PHF14: variants seen among roughly 807,000 people sequenced by gnomAD.
The protein encoded by PHF14 is PHD finger protein 14.
In PHF14, 55 loss-of-function variants were observed where a neutral mutation model predicts 117.9. That is an observed-to-expected ratio of 0.47 (90% CI 0.38 to 0.58). PHF14 has a LOEUF of 0.58. Among genes scored for constraint, PHF14 ranks in the 20% least tolerant of loss-of-function variants. The pLI is 0.00. For missense variants in PHF14, 978 were observed against 1,122.2 expected (o/e 0.87, Z 1.84); for synonymous variants, 409 against 368.6 (o/e 1.11, Z -1.26).
chr7:11,015,500 C>G (rs574318271), intron 5 of PHF14, among the ~76,000 whole-genome samples: 3 of 152,154 alleles, frequency 2.0e-5, no homozygotes, highest in South Asian at 2.1e-4. Flanking sequence ...TGAGAGTGGC[C>G]TAGTATTAGG....
chr7:11,137,774 C>T (rs1423701968), intron 17 of PHF14, among the ~76,000 whole-genome samples: 3 of 150,700 alleles, frequency 2.0e-5, no homozygotes, highest in Non-Finnish European at 3.0e-5. Flanking sequence ...TCAGTAGAGA[C>T]GGGGTTTTGC....
At chr7:11,068,472 G>C (rs1271883506) in intron 16 of PHF14, among the ~76,000 whole-genome samples, 1 of 151,768 alleles carries the variant, frequency 6.6e-6, no homozygotes, top group Non-Finnish European at 1.5e-5. Flanking sequence ...ACTTACATGA[G>C]ATTCCTAGAG....
intron 17 of PHF14, among the ~76,000 whole-genome samples, chr7:11,158,783 T>C (rs1788934608): frequency 6.6e-6 from 1 of 152,164 alleles, no homozygotes; most frequent in Non-Finnish European, 1.5e-5. Flanking sequence ...ATGTATGTCA[T>C]AGTTGCTTAC....
At chr7:10,977,618 A>G (rs1781911837) in intron 2 of PHF14, among the ~76,000 whole-genome samples, 1 of 152,200 alleles carries the variant, frequency 6.6e-6, no homozygotes, top group African/African-American at 2.4e-5. Flanking sequence ...GATAGTTTAT[A>G]TTTTATTTTT....
intron 4 of PHF14, chr7:11,006,424 A>G (rs1394834719): frequency 1.9e-6 from 1 of 527,556 alleles, no homozygotes; most frequent in Non-Finnish European, 3.7e-6. Flanking sequence ...TTTGTTGGCA[A>G]GATTCAAAGC....
intron 17 of PHF14, among the ~76,000 whole-genome samples, chr7:11,158,001 G>A (rs1395337374): frequency 6.6e-6 from 1 of 152,144 alleles, no homozygotes; most frequent in Non-Finnish European, 1.5e-5. Context: ...ATAGGATGGA[G>A]TGTTCTGATA....
At chr7:11,150,491 A>AAC (rs1440510215) in intron 17 of PHF14, among the ~76,000 whole-genome samples, 1 of 152,158 alleles carries the variant, frequency 6.6e-6, no homozygotes, top group Non-Finnish European at 1.5e-5. Context: ...CGACATAACT[A>AAC]CTGAATGAAT....
At chr7:11,005,541 A>G (rs1157529812) in intron 4 of PHF14, among the ~76,000 whole-genome samples, 1 of 152,116 alleles carries the variant, frequency 6.6e-6, no homozygotes, top group Non-Finnish European at 1.5e-5. Context: ...CTCTAAATAA[A>G]CTGGATAAAT....
chr7:11,148,458 C>G (rs909788955), intron 17 of PHF14, among the ~76,000 whole-genome samples: 18 of 152,198 alleles, frequency 1.2e-4, no homozygotes, highest in African/African-American at 4.3e-4. Flanking sequence ...TCAAGTCATT[C>G]AGGTCTCTGC....
Position 10,974,960 on chromosome 7 carries a change from C to G in PHF14, c.112+15C>G, listed in dbSNP as rs1206889122. ...AGATGCCTCAGGTAAATATTTCCTT[C>G]TCTCTTCCCCTTTCCCAGCTTTCTG... On this transcript the variant is annotated intron_variant, in intron 2 of 17. Transcript: ENST00000634607. The G allele has an allele frequency of 1.6e-6, 2 of 1,213,618 alleles. No homozygotes were observed. The highest frequency in any genetic ancestry group is 4.0e-5 in the Admixed American group (2 of 50,102). 75.2% of individuals were successfully genotyped at this position (1,213,618 alleles called of 1,614,324 possible).
intron 4 of PHF14, among the ~76,000 whole-genome samples, chr7:11,006,108 A>G (rs539496246): frequency 6.6e-6 from 1 of 152,288 alleles, no homozygotes; most frequent in Admixed American, 6.5e-5. Context: ...AGTGTATTTA[A>G]ACTTCTAAAA....
At chr7:11,093,793 C>T (rs1289409044) in intron 16 of PHF14, among the ~76,000 whole-genome samples, 1 of 152,128 alleles carries the variant, frequency 6.6e-6, no homozygotes, top group Non-Finnish European at 1.5e-5. Context: ...CCTATGGCAG[C>T]TTTATTCTGG....
At chr7:11,070,083 T>C (rs550715478) in intron 16 of PHF14, among the ~76,000 whole-genome samples, 19 of 152,348 alleles carry the variant, frequency 1.2e-4, no homozygotes, top group African/African-American at 3.6e-4. Flanking sequence ...ATACTTCCTT[T>C]CATCTTGTGT....
intron 14 of PHF14, among the ~76,000 whole-genome samples, chr7:11,057,292 C>T (rs955741375): frequency 1.3e-5 from 2 of 152,106 alleles, no homozygotes; most frequent in Admixed American, 6.5e-5. Context: ...AAATACATTA[C>T]ATGTTTTTTA....
chr7:11,074,656 A>G (rs888196975), intron 16 of PHF14, among the ~76,000 whole-genome samples: 8 of 152,200 alleles, frequency 5.3e-5, no homozygotes, highest in African/African-American at 1.9e-4. Context: ...TCAAACTTCC[A>G]TAGATCCCAA....
chr7:11,061,700 A>G, intron 14 of PHF14, 91 bp from the exon 15 acceptor site: 1 of 1,020,320 alleles, frequency 9.8e-7, no homozygotes, highest in Non-Finnish European at 1.3e-6. Flanking sequence ...AAGCAATAAC[A>G]TTTAACAGAG....
At chr7:10,997,412 G>A (rs538447449) in intron 4 of PHF14, among the ~76,000 whole-genome samples, 1 of 152,180 alleles carries the variant, frequency 6.6e-6, no homozygotes, top group African/African-American at 2.4e-5. Flanking sequence ...GAAATTGAGG[G>A]AGGGTTTTTT....
intron 16 of PHF14, among the ~76,000 whole-genome samples, chr7:11,078,590 A>G (rs1785957643): frequency 6.6e-6 from 1 of 152,204 alleles, no homozygotes; most frequent in Non-Finnish European, 1.5e-5. Context: ...AGAGAAAGAA[A>G]TTCAGAAATG....
At chr7:11,098,729 C>A (rs1189761666) in intron 16 of PHF14, among the ~76,000 whole-genome samples, 1 of 152,158 alleles carries the variant, frequency 6.6e-6, no homozygotes, top group Non-Finnish European at 1.5e-5. Context: ...ATTTACTGAA[C>A]AATTTAGGGT....
Sources: gnomAD v4.1 joint callset for allele counts (sites outside exome capture counted in the v4.1 genomes callset) on GRCh38, gnomAD v4.1.1 for gene constraint, MANE v1.5 for transcripts, NCBI Gene and HGNC (gene_info 2026-07-23, HGNC 2026-07-21) for gene names.